The following SMURF1 variants were observed in gnomAD, a reference collection of about 807,000 sequenced individuals.
SMURF1 encodes SMAD specific E3 ubiquitin protein ligase 1, also known as E3 ubiquitin-protein ligase SMURF1.
SMURF1 carries 44 observed loss-of-function variants against 98.0 expected under a neutral mutation model. The observed-to-expected ratio is 0.45, with a 90% confidence interval of 0.35 to 0.58. The LOEUF (loss-of-function observed/expected upper bound fraction) is 0.58, where lower values mean the gene tolerates loss of function less well. Among genes scored for constraint, SMURF1 ranks in the 20% least tolerant of loss-of-function variants. SMURF1 has a pLI of 0.00. For synonymous variants in SMURF1, 396 were observed against 374.9 expected (o/e 1.06, Z -0.65); for missense variants, 687 against 938.4 (o/e 0.73, Z 3.50).
intron 1 of SMURF1, among the ~76,000 whole-genome samples, chr7:99,141,913 T>G (rs911777064): frequency 6.6e-6 from 1 of 152,216 alleles, no homozygotes; most frequent in Non-Finnish European, 1.5e-5. Flanking sequence ...GGAAAATCCC[T>G]GACGGGGATT....
Position 99,030,592 on chromosome 7 carries a change from C to T in SMURF1, c.2188G>A (p.Val730Met), listed in dbSNP as rs778004950. Reference protein sequence around the residue: ...TAVEETCGFAVE With the variant: ...TAVEETCGFAME ...TTGCCTTTGGTTGCTTTTCACTCCA[C>T]AGCAAACCCGCAGGTCTCCTCCACG... Residue 730 changes from valine to methionine, a missense_variant, in exon 18 of 18, where the codon GTG becomes ATG. Val to Met is a conservative substitution (Grantham distance 21). Transcript: ENST00000361368. 1.9e-6 allele frequency: 3 copies of T among 1,614,152 alleles called. No individual in the cohort carries two copies. The highest frequency in any genetic ancestry group is 2.5e-6 in the Non-Finnish European group (3 of 1,179,984).
intron 1 of SMURF1, among the ~76,000 whole-genome samples, chr7:99,075,880 G>A (rs1193209864): frequency 6.6e-6 from 1 of 152,050 alleles, no homozygotes; most frequent in African/African-American, 2.4e-5. Flanking sequence ...GTTGACATGG[G>A]TCTATATTTG....
chr7:99,042,808 TAGC>T (rs2150512878), intron 11 of SMURF1, among the ~76,000 whole-genome samples: 2 of 152,352 alleles, frequency 1.3e-5, no homozygotes, highest in Non-Finnish European at 2.9e-5. Context: ...CGCATTAAGA[TAGC>T]AGCTCCAAAT....
At chr7:99,130,244 A>C (rs968693385) in intron 1 of SMURF1, among the ~76,000 whole-genome samples, 1 of 152,090 alleles carries the variant, frequency 6.6e-6, no homozygotes, top group African/African-American at 2.4e-5. Context: ...GCTGAGGTCA[A>C]GAGTTCAAGG....
chr7:99,052,374 A>G lies in SMURF1; in HGVS notation c.552T>C (p.Asp184=). The part of the protein sequence containing the change: ...CFMEEPAPYT[D]STGAAAGGGN... ...CTCCTCCAGCAGCAGCACCGGTGCT[A>G]TCTGTGTAAGGGGCTGGTTCCTCCA... is the stretch of plus-strand genomic sequence containing the variant. The change falls in exon 7 of 18, where the codon GAT becomes GAC. Residue 184 remains aspartate (D), a synonymous_variant. Coordinates refer to ENST00000361368, the MANE Select transcript of SMURF1 (RefSeq NM_181349.3). 6.2e-7 allele frequency: 1 copy of G among 1,612,228 alleles called. No individual in the cohort carries two copies. Among genetic ancestry groups the G allele is most frequent in the Non-Finnish European group, 8.5e-7 (1 of 1,179,112 alleles).
chr7:99,133,228 C>CTT (rs1420079823), intron 1 of SMURF1, among the ~76,000 whole-genome samples: 2 of 152,222 alleles, frequency 1.3e-5, no homozygotes, highest in African/African-American at 4.8e-5. Flanking sequence ...TTTGCCCTTA[C>CTT]TTTTTCCCTA....
intron 1 of SMURF1, among the ~76,000 whole-genome samples, chr7:99,067,846 C>T (rs1289554214): frequency 2.6e-5 from 4 of 151,950 alleles, no homozygotes; most frequent in South Asian, 2.1e-4. Flanking sequence ...CCTAGCTAGT[C>T]GGCAGACTGA....
At chr7:99,049,840 C>T (rs564423381) in intron 8 of SMURF1, 131 bp from the exon 9 acceptor site, 4 of 821,512 alleles carry the variant, frequency 4.9e-6, no homozygotes, top group East Asian at 5.2e-5. Flanking sequence ...GATGGACCTT[C>T]GTGGTGCTAC....
In SMURF1 at chr7:99,033,138, C is replaced by T. The variant is rs1215162900; in HGVS notation, c.2012-17G>A. On this transcript the variant is annotated splice_polypyrimidine_tract_variant and intron_variant, in intron 16 of 17. Coordinates refer to ENST00000361368, the MANE Select transcript of SMURF1 (RefSeq NM_181349.3). Reference sequence around the variant, plus strand: ...CTGTAGAACCTTACAAGACAACATTCTAGTTAATGTACTTCAGAGTTACAG... The same window carrying T: ...CTGTAGAACCTTACAAGACAACATTTTAGTTAATGTACTTCAGAGTTACAG... The T allele has an allele frequency of 1.3e-6, 2 of 1,560,914 alleles. No homozygotes were observed. The highest frequency in any genetic ancestry group is 1.7e-6 in the Non-Finnish European group (2 of 1,152,050).
At chr7:99,034,497 T>G (rs1162768730) in intron 16 of SMURF1, among the ~76,000 whole-genome samples, 1 of 152,120 alleles carries the variant, frequency 6.6e-6, no homozygotes, top group Non-Finnish European at 1.5e-5. Flanking sequence ...TCACACCTCC[T>G]GTTTTTTTTC....
At chr7:99,056,149 C>T (rs369783444) in intron 5 of SMURF1, among the ~76,000 whole-genome samples, 1 of 152,184 alleles carries the variant, frequency 6.6e-6, no homozygotes, top group Non-Finnish European at 1.5e-5. Flanking sequence ...GGAAAGCATT[C>T]GGTGAGAACT....
intron 1 of SMURF1, among the ~76,000 whole-genome samples, chr7:99,080,569 G>C (rs1055202589): frequency 2.0e-5 from 3 of 152,154 alleles, no homozygotes; most frequent in African/African-American, 7.2e-5. Context: ...AAACTGCTGG[G>C]ATTACAGGCG....
At chr7:99,043,321 C>A (rs1795454622) in intron 11 of SMURF1, among the ~76,000 whole-genome samples, 1 of 152,176 alleles carries the variant, frequency 6.6e-6, no homozygotes, top group African/African-American at 2.4e-5. Flanking sequence ...AATGAACACA[C>A]ACCTGCACAT....
intron 1 of SMURF1, among the ~76,000 whole-genome samples, chr7:99,132,829 G>A (rs543023665): frequency 1.3e-5 from 2 of 152,244 alleles, no homozygotes; most frequent in South Asian, 4.1e-4. Flanking sequence ...CTGCCAGAGA[G>A]GAATATGGCA....
intron 3 of SMURF1, 36 bp downstream of exon 3, chr7:99,060,563 C>A: frequency 6.7e-7 from 1 of 1,481,634 alleles, no homozygotes; most frequent in Non-Finnish European, 9.4e-7. Flanking sequence ...TGCTTTCCTG[C>A]CGCTCCGCAT....
intron 15 of SMURF1, 151 bp downstream of exon 15, chr7:99,036,916 C>G: frequency 8.6e-7 from 1 of 1,162,100 alleles, no homozygotes; most frequent in Non-Finnish European, 1.2e-6. Flanking sequence ...ACTCCCCACT[C>G]TTGCTCCAGC....
At chr7:99,128,425 T>C (rs1038754419) in intron 1 of SMURF1, among the ~76,000 whole-genome samples, 6 of 152,198 alleles carry the variant, frequency 3.9e-5, no homozygotes, top group Non-Finnish European at 5.9e-5. Flanking sequence ...AGGCTTATAA[T>C]AAATATCCCA....
intron 1 of SMURF1, among the ~76,000 whole-genome samples, chr7:99,100,054 G>C (rs1797040494): frequency 6.7e-6 from 1 of 150,370 alleles, no homozygotes; most frequent in Non-Finnish European, 1.5e-5. Flanking sequence ...GGTTTTTTGT[G>C]TGTGTTCATC....
At chr7:99,127,725 T>G (rs6465737) in intron 1 of SMURF1, among the ~76,000 whole-genome samples, 99,869 of 151,890 alleles carry the variant, frequency 0.66, 35,158 homozygotes, top group Non-Finnish European at 0.78. Context: ...ACAAGTTGGG[T>G]TTTTTTCCTG....
Sources: allele counts gnomAD v4.1 joint callset (sites outside exome capture counted in the v4.1 genomes callset), GRCh38; gene constraint gnomAD v4.1.1; transcripts MANE v1.5; gene names NCBI Gene and HGNC (gene_info 2026-07-23, HGNC 2026-07-21).